ETV6: variants seen among roughly 807,000 people sequenced by gnomAD.
ETV6 encodes ETS variant transcription factor 6, also known as transcription factor ETV6.
ETV6 carries 16 observed loss-of-function variants against 51.1 expected under a neutral mutation model. The ratio of observed to expected loss-of-function variants is 0.31; its 90% CI spans 0.21 to 0.48. The LOEUF is 0.48. Among genes scored for constraint, ETV6 ranks in the 20% least tolerant of loss-of-function variants. ETV6 has a pLI of 0.99. For missense variants in ETV6, 458 were observed against 594.8 expected (o/e 0.77, Z 2.39); for synonymous variants, 240 against 224.1 (o/e 1.07, Z -0.64).
chr12:11,844,531 A>G (rs759759917), intron 3 of ETV6, among the ~76,000 whole-genome samples: 17 of 152,186 alleles, frequency 1.1e-4, no homozygotes, highest in Admixed American at 4.6e-4. Context: ...TGGTCTTTAC[A>G]TAGTATTTCT....
chr12:11,770,472 G>A (rs1380357023), intron 2 of ETV6, among the ~76,000 whole-genome samples: 1 of 152,148 alleles, frequency 6.6e-6, no homozygotes, highest in Non-Finnish European at 1.5e-5. Flanking sequence ...TGGGGGTTCT[G>A]AACATAAGTA....
intron 1 of ETV6, among the ~76,000 whole-genome samples, chr12:11,734,664 A>T (rs3020927): frequency 0.97 from 147,688 of 152,294 alleles, 71,742 homozygotes; most frequent in South Asian, 1. Context: ...GGCACTATGC[A>T]AAATTGTAGG....
intron 1 of ETV6, chr12:11,751,452 A>G (rs1282119549): frequency 5.8e-6 from 3 of 518,564 alleles, no homozygotes; most frequent in African/African-American, 5.8e-5. Context: ...TCCTGAAGTC[A>G]TGTTTACATG....
chr12:11,791,629 A>G (rs930663833), intron 2 of ETV6, among the ~76,000 whole-genome samples: 1 of 152,220 alleles, frequency 6.6e-6, no homozygotes, highest in Non-Finnish European at 1.5e-5. Flanking sequence ...CAAGAAATCT[A>G]TGGAAGAATC....
intron 5 of ETV6, among the ~76,000 whole-genome samples, chr12:11,874,602 GTA>G (rs1334379602): frequency 5.5e-4 from 8 of 14,538 alleles, no homozygotes; most frequent in Admixed American, 3.1e-3. Flanking sequence ...ACATATATGT[GTA>G]TGTGCGTGTG....
chr12:11,845,525 C>G (rs965721233), intron 3 of ETV6, among the ~76,000 whole-genome samples: 1 of 152,186 alleles, frequency 6.6e-6, no homozygotes, highest in East Asian at 1.9e-4. Flanking sequence ...TTCCCACAAC[C>G]TGTTCCTTTT....
intron 2 of ETV6, among the ~76,000 whole-genome samples, chr12:11,758,603 T>A (rs1056345191): frequency 5.9e-5 from 9 of 152,192 alleles, no homozygotes; most frequent in African/African-American, 1.9e-4. Flanking sequence ...TCTCCCTCAG[T>A]CTGGAACTTT....
chr12:11,829,148 C>T (rs1054693277), intron 2 of ETV6, among the ~76,000 whole-genome samples: 1 of 152,182 alleles, frequency 6.6e-6, no homozygotes, highest in Non-Finnish European at 1.5e-5. Flanking sequence ...CCGTCATGCA[C>T]CTTCCAAGAA....
intron 1 of ETV6, chr12:11,751,475 C>T (rs1239128743): frequency 1.9e-6 from 1 of 517,958 alleles, no homozygotes; most frequent in Non-Finnish European, 3.9e-6. Context: ...GACTGCAAGT[C>T]AACCTAGTTG....
At chr12:11,652,548 C>A (rs935848474) in intron 1 of ETV6, among the ~76,000 whole-genome samples, 1 of 152,150 alleles carries the variant, frequency 6.6e-6, no homozygotes, top group Non-Finnish European at 1.5e-5. Flanking sequence ...ACCTGATATA[C>A]CGAACTCCTG....
chr12:11,744,356 G>A (rs1368070826), intron 1 of ETV6, among the ~76,000 whole-genome samples: 1 of 152,180 alleles, frequency 6.6e-6, no homozygotes, highest in Non-Finnish European at 1.5e-5. Flanking sequence ...GTTGTGCCCA[G>A]GATACAAGCT....
chr12:11,824,936 C>A (rs1266805474), intron 2 of ETV6, among the ~76,000 whole-genome samples: 1 of 152,144 alleles, frequency 6.6e-6, no homozygotes, highest in Admixed American at 6.5e-5. Flanking sequence ...CATGCCATTT[C>A]ATAAAAATTT....
At chr12:11,759,708 C>T (rs923289673) in intron 2 of ETV6, among the ~76,000 whole-genome samples, 15 of 152,270 alleles carry the variant, frequency 9.9e-5, no homozygotes, top group African/African-American at 2.9e-4. Flanking sequence ...TGTCCATGAG[C>T]TCCACAGTCA....
In ETV6 at chr12:11,791,476, T is replaced by TC. The variant is rs1945590645; in HGVS notation, c.163+38898dup. ...TTGAAATTGTTGTCACTATTGATAG[T>TC]CTTTTTACCCTTAGACCAGTACAAC... On this transcript the variant is annotated intron_variant, in intron 2 of 7. Transcript: ENST00000396373. Among the ~76,000 whole-genome samples, 6 of 152,310 alleles carry TC rather than the reference T, an allele frequency of 3.9e-5. No homozygotes were observed. In the South Asian group the frequency reaches 1.2e-3, roughly 32 times the overall value.
intron 2 of ETV6, among the ~76,000 whole-genome samples, chr12:11,833,122 G>T (rs1007697157): frequency 2.0e-5 from 3 of 152,320 alleles, no homozygotes; most frequent in African/African-American, 4.8e-5. Flanking sequence ...AGCTATATAT[G>T]TTCAGGTAGG....
chr12:11,836,786 G>C (rs759505005), intron 2 of ETV6, among the ~76,000 whole-genome samples: 27 of 151,866 alleles, frequency 1.8e-4, no homozygotes, highest in Non-Finnish European at 3.5e-4. Flanking sequence ...ATTCAGTTCT[G>C]TATTTGCTTT....
intron 2 of ETV6, among the ~76,000 whole-genome samples, chr12:11,755,453 C>G (rs1349828192): frequency 1.3e-5 from 2 of 152,150 alleles, no homozygotes; most frequent in African/African-American, 2.4e-5. Flanking sequence ...TGTATTGAAT[C>G]CTCTGGAAGT....
Position 11,855,818 on chromosome 12 carries a change from A to G in ETV6, c.463+2257A>G, listed in dbSNP as rs141538265. Among the ~76,000 whole-genome samples, 865 of 152,000 alleles carry G rather than the reference A, an allele frequency of 5.7e-3. 6 individuals carry two copies. The highest frequency in any genetic ancestry group is 0.02 in the African/African-American group (835 of 41,450). On this transcript the variant is annotated intron_variant, in intron 4 of 7. Transcript: ENST00000396373. ...AGCAGCTGCCCTCCTCCCCCAATTC[A>G]GTTATTCATTCTTTTGCTCTTCCTG...
intron 1 of ETV6, among the ~76,000 whole-genome samples, chr12:11,680,710 TG>T (rs1864511226): frequency 6.6e-6 from 1 of 152,184 alleles, no homozygotes; most frequent in Non-Finnish European, 1.5e-5. Context: ...CAGGCGTTGG[TG>T]ATCTACTTCT....
Sources: allele counts gnomAD v4.1 joint callset (sites outside exome capture counted in the v4.1 genomes callset), GRCh38; gene constraint gnomAD v4.1.1; transcripts MANE v1.5; gene names NCBI Gene and HGNC (gene_info 2026-07-23, HGNC 2026-07-21).